AGBL1: variants seen among roughly 807,000 people sequenced by gnomAD.
AGBL1 encodes the protein AGBL carboxypeptidase 1.
In AGBL1, 130 loss-of-function variants were observed where a neutral mutation model predicts 118.9. That is an observed-to-expected ratio of 1.09 (90% CI 0.95 to 1.26). The LOEUF is 1.26. Among genes scored for constraint, AGBL1 ranks in the 50% most tolerant of loss-of-function variants. AGBL1 has a pLI of 0.00. For missense variants in AGBL1, 1,584 were observed against 1,298.1 expected, an observed-to-expected ratio of 1.22 and a Z score of -3.38; for synonymous variants, 555 against 478.9, an observed-to-expected ratio of 1.16 and a Z score of -2.08.
intron 21 of AGBL1, among the ~76,000 whole-genome samples, chr15:86,609,203 C>T (rs1221805295): frequency 6.6e-6 from 1 of 152,066 alleles, no homozygotes; most frequent in African/African-American, 2.4e-5. Flanking sequence ...ATTGAGGAAA[C>T]CAGCCTTCCT....
At chr15:86,142,454 C>T (rs901826164) in intron 2 of AGBL1, among the ~76,000 whole-genome samples, 1 of 152,128 alleles carries the variant, frequency 6.6e-6, no homozygotes, top group African/African-American at 2.4e-5. Context: ...GTAAGCATCA[C>T]GTTTTCAGAG....
Position 86,915,057 on chromosome 15 carries a change from C to T in AGBL1, c.*7763C>T, listed in dbSNP as rs963475042. The T allele has an allele frequency of 6.6e-6, 1 of 152,024 alleles. No homozygotes were observed. The highest frequency in any genetic ancestry group is 1.5e-5 in the Non-Finnish European group (1 of 68,008). 9.4% of individuals were successfully genotyped at this position (152,024 alleles called of 1,614,324 possible). Reference sequence around the variant, plus strand: ...CCAGATGCAGAGCTCACTGTCTGGCCGAGGCAGGTACTCAGATCTTCACTA... The same window carrying T: ...CCAGATGCAGAGCTCACTGTCTGGCTGAGGCAGGTACTCAGATCTTCACTA... On this transcript the variant is annotated 3_prime_UTR_variant, in exon 23 of 23. Transcript: ENST00000614907.
chr15:86,886,827 G>C (rs2079977318), intron 22 of AGBL1, among the ~76,000 whole-genome samples: 1 of 152,150 alleles, frequency 6.6e-6, no homozygotes, highest in African/African-American at 2.4e-5. Context: ...GAGAGATCAA[G>C]TTAATTCTAA....
chr15:86,721,824 CA>C (rs2086726400), intron 22 of AGBL1, among the ~76,000 whole-genome samples: 1 of 152,176 alleles, frequency 6.6e-6, no homozygotes, highest in African/African-American at 2.4e-5. Flanking sequence ...GATACAAAAT[CA>C]ATGTACAAAA....
intron 23 of AGBL1, among the ~76,000 whole-genome samples, chr15:86,947,290 T>C (rs2080836612): frequency 6.6e-6 from 1 of 152,232 alleles, no homozygotes; most frequent in African/African-American, 2.4e-5. Context: ...GTTACTCACA[T>C]GAGCATAATT....
chr15:86,861,090 TA>T (rs2079553978), intron 22 of AGBL1, among the ~76,000 whole-genome samples: 1 of 152,106 alleles, frequency 6.6e-6, no homozygotes, highest in African/African-American at 2.4e-5. Context: ...CTAATGAAGT[TA>T]TTTCACCTTT....
At chr15:86,341,360 A>C (rs2080459152) in intron 17 of AGBL1, among the ~76,000 whole-genome samples, 1 of 144,872 alleles carries the variant, frequency 6.9e-6, no homozygotes, top group African/African-American at 2.5e-5. Flanking sequence ...GTTCAGCTCC[A>C]AGTTTAGGAT....
chr15:86,342,062 C>T (rs1456751687), intron 17 of AGBL1, among the ~76,000 whole-genome samples: 3 of 152,156 alleles, frequency 2.0e-5, no homozygotes, highest in African/African-American at 7.2e-5. Flanking sequence ...TTTTCTCATG[C>T]TAATCAAGGC....
chr15:86,546,709 G>T (rs925730363), intron 20 of AGBL1, among the ~76,000 whole-genome samples: 1 of 152,120 alleles, frequency 6.6e-6, no homozygotes, highest in African/African-American at 2.4e-5. Context: ...TTTAGTTTTA[G>T]TGGTTAGAGC....
intron 23 of AGBL1, among the ~76,000 whole-genome samples, chr15:86,977,224 C>A (rs1596698423): frequency 6.6e-6 from 1 of 151,786 alleles, no homozygotes; most frequent in African/African-American, 2.4e-5. Context: ...TTCATTTTTT[C>A]ATGTGCCACT....
intron 24 of AGBL1, among the ~76,000 whole-genome samples, chr15:86,989,367 A>C (rs180972673): frequency 6.6e-6 from 1 of 152,258 alleles, no homozygotes; most frequent in Admixed American, 6.5e-5. Flanking sequence ...TTTTTGGTAG[A>C]TTATCTTTAT....
At chr15:86,803,224 G>T (rs2078674478) in intron 22 of AGBL1, among the ~76,000 whole-genome samples, 1 of 152,118 alleles carries the variant, frequency 6.6e-6, no homozygotes, top group Non-Finnish European at 1.5e-5. Context: ...CATGGGGGTT[G>T]TTTCTCCCGT....
At chr15:86,478,753 A>G (rs1162371585) in intron 18 of AGBL1, among the ~76,000 whole-genome samples, 30 of 152,208 alleles carry the variant, frequency 2.0e-4, no homozygotes, top group Non-Finnish European at 1.2e-4. Flanking sequence ...ATATGGAACC[A>G]AAAAAGAACC....
intron 22 of AGBL1, among the ~76,000 whole-genome samples, chr15:86,906,054 C>T (rs1040343600): frequency 1.1e-4 from 17 of 152,296 alleles, no homozygotes; most frequent in African/African-American, 3.6e-4. Flanking sequence ...ATTCATTTCC[C>T]GATCTAACAT....
intron 1 of AGBL1, chr15:86,105,260 A>G (rs946239309): frequency 9.9e-5 from 15 of 152,136 alleles, no homozygotes; most frequent in African/African-American, 2.7e-4. Flanking sequence ...CTGCTCTTCA[A>G]TCACCCAATG....
intron 23 of AGBL1, among the ~76,000 whole-genome samples, chr15:86,925,943 G>C (rs908619724): frequency 3.3e-5 from 5 of 151,874 alleles, no homozygotes; most frequent in African/African-American, 4.8e-5. Context: ...TGTTAGTTAC[G>C]ATGGTCTCAA....
intron 18 of AGBL1, among the ~76,000 whole-genome samples, chr15:86,418,920 G>A (rs532302037): frequency 5.9e-4 from 90 of 152,158 alleles, no homozygotes; most frequent in Middle Eastern, 3.4e-3. Flanking sequence ...GTAACTTCAG[G>A]TGTTTTAATC....
At chr15:86,146,463 C>A (rs1012698349) in intron 3 of AGBL1, among the ~76,000 whole-genome samples, 1 of 152,174 alleles carries the variant, frequency 6.6e-6, no homozygotes, top group Non-Finnish European at 1.5e-5. Flanking sequence ...ATCCTGGAAC[C>A]AATCCCACGT....
intron 22 of AGBL1, among the ~76,000 whole-genome samples, chr15:86,788,060 A>G (rs765400420): frequency 1.3e-5 from 2 of 152,194 alleles, no homozygotes; most frequent in Non-Finnish European, 2.9e-5. Flanking sequence ...TTTATAAAGT[A>G]GAAGGATGAG....
Sources: gnomAD v4.1 joint callset for allele counts (sites outside exome capture counted in the v4.1 genomes callset) on GRCh38, gnomAD v4.1.1 for gene constraint, MANE v1.5 for transcripts, NCBI Gene and HGNC (gene_info 2026-07-23, HGNC 2026-07-21) for gene names.